TRPC7: variants seen among roughly 807,000 people sequenced by gnomAD.
The protein encoded by TRPC7 is transient receptor potential cation channel subfamily C member 7.
A neutral mutation model predicts 90.1 loss-of-function variants in TRPC7; 42 were observed. The ratio of observed to expected loss-of-function variants is 0.47; its 90% CI spans 0.36 to 0.60. The LOEUF (loss-of-function observed/expected upper bound fraction) is 0.60, where lower values mean the gene tolerates loss of function less well. TRPC7 is among the 20% of genes least tolerant of loss of function. TRPC7 has a pLI of 0.00. For synonymous variants in TRPC7, 451 were observed against 436.3 expected, an observed-to-expected ratio of 1.03 and a Z score of -0.42; for missense variants, 955 against 1,112.3, an observed-to-expected ratio of 0.86 and a Z score of 2.01.
In TRPC7 at chr5:136,359,014, A is replaced by G. The variant is rs150838720; in HGVS notation, c.3-1629T>C. Among the ~76,000 whole-genome samples, 340 of 152,316 alleles carry G rather than the reference A, an allele frequency of 2.2e-3. 6 individuals carry two copies. The highest frequency in any genetic ancestry group is 7.9e-3 in the African/African-American group (327 of 41,578). ...TAAACAATACTCAGTATTTCACTTT[A>G]GCCATTTTTAAAAATAGTCAAACAA... On this transcript the variant is annotated intron_variant, in intron 1 of 11. Coordinates refer to ENST00000513104, the MANE Select transcript of TRPC7 (RefSeq NM_020389.3).
chr5:136,245,477 C>T (rs2149803066), intron 7 of TRPC7, among the ~76,000 whole-genome samples: 1 of 152,174 alleles, frequency 6.6e-6, no homozygotes, highest in East Asian at 1.9e-4. Context: ...GTGATTTCTC[C>T]AGAAGAGTAA....
At chr5:136,269,442 A>G (rs2149813473) in intron 4 of TRPC7, among the ~76,000 whole-genome samples, 1 of 152,332 alleles carries the variant, frequency 6.6e-6, no homozygotes, top group Non-Finnish European at 1.5e-5. Context: ...CTTAGCCCCC[A>G]CAAGTGTAAG....
At chr5:136,303,738 C>T (rs960429673) in intron 3 of TRPC7, 17 of 152,002 alleles carry the variant, frequency 1.1e-4, no homozygotes, top group Non-Finnish European at 2.5e-4. Flanking sequence ...TGGCCCAAGG[C>T]TCTCTGACTC....
intron 2 of TRPC7, among the ~76,000 whole-genome samples, chr5:136,316,856 C>A (rs917253505): frequency 3.3e-5 from 5 of 152,180 alleles, no homozygotes; most frequent in African/African-American, 9.7e-5. Flanking sequence ...TCAATGTCAA[C>A]AACCCTCAGA....
chr5:136,310,439 G>T (rs1472801015), intron 3 of TRPC7, among the ~76,000 whole-genome samples: 2 of 152,192 alleles, frequency 1.3e-5, no homozygotes, highest in Non-Finnish European at 2.9e-5. Context: ...CCATGGTCCT[G>T]TCCCAGGTCT....
intron 2 of TRPC7, among the ~76,000 whole-genome samples, chr5:136,320,187 G>T (rs916791218): frequency 3.3e-5 from 5 of 151,540 alleles, no homozygotes; most frequent in African/African-American, 1.2e-4. Flanking sequence ...ATTTATCCTT[G>T]ATTGCTACCT....
At chr5:136,304,096 C>A (rs1196000386) in intron 3 of TRPC7, among the ~76,000 whole-genome samples, 3 of 152,058 alleles carry the variant, frequency 2.0e-5, no homozygotes, top group African/African-American at 7.2e-5. Context: ...ACTAAATTAT[C>A]TGCTTCCCTG....
At chr5:136,213,671 TGTGG>T in intron 11 of TRPC7, 67 bp from the exon 12 acceptor site, 8 of 1,536,366 alleles carry the variant, frequency 5.2e-6, no homozygotes, top group Non-Finnish European at 7.1e-6. Context: ...CCCATGCACA[TGTGG>T]GCATGTGCAT....
chr5:136,226,355 A>C lies in TRPC7; in HGVS notation c.2041-100T>G, dbSNP rs1306596174. 11 of 833,698 alleles carry C rather than the reference A, an allele frequency of 1.3e-5. No homozygotes were observed. The Admixed American group carries it at 2.4e-4, about 18-fold the overall frequency. 51.6% of individuals were successfully genotyped at this position (833,698 alleles called of 1,614,324 possible). On this transcript the variant is annotated intron_variant, in intron 8 of 11. Coordinates refer to ENST00000513104, the MANE Select transcript of TRPC7 (RefSeq NM_020389.3). Reference sequence around the variant, plus strand: ...GACACAGCCCCAACATTCGGAAAGCAGACTTCTAAGCAGGACTTGGTGTAG... The same window carrying C: ...GACACAGCCCCAACATTCGGAAAGCCGACTTCTAAGCAGGACTTGGTGTAG...
intron 7 of TRPC7, among the ~76,000 whole-genome samples, chr5:136,231,769 T>C (rs1175004621): frequency 6.6e-6 from 1 of 152,160 alleles, no homozygotes; most frequent in African/African-American, 2.4e-5. Context: ...CGCACCTGGC[T>C]AATTGTTTCA....
chr5:136,326,366 TAGG>T (rs1360575851), intron 2 of TRPC7, among the ~76,000 whole-genome samples: 7 of 152,198 alleles, frequency 4.6e-5, no homozygotes, highest in Non-Finnish European at 1.0e-4. Flanking sequence ...GCTACAGTAA[TAGG>T]AGGAAAGGTC....
At chr5:136,283,677 C>T (rs572279342) in intron 3 of TRPC7, among the ~76,000 whole-genome samples, 1 of 152,282 alleles carries the variant, frequency 6.6e-6, no homozygotes, top group African/African-American at 2.4e-5. Flanking sequence ...GTCTGAGGAC[C>T]ACCTCATACT....
At chr5:136,230,898 T>G (rs915131575) in intron 8 of TRPC7, among the ~76,000 whole-genome samples, 1 of 152,208 alleles carries the variant, frequency 6.6e-6, no homozygotes, top group Admixed American at 6.5e-5. Flanking sequence ...GATTGCCCTG[T>G]ATGATCTCCT....
chr5:136,330,999 C>T (rs3777148), intron 2 of TRPC7, among the ~76,000 whole-genome samples: 13,174 of 152,102 alleles, frequency 0.087, 725 homozygotes, highest in Non-Finnish European at 0.13. Flanking sequence ...GGAGTCCCCC[C>T]GCCAGCAGTG....
At chr5:136,220,466 A>C (rs1345979417) in intron 10 of TRPC7, among the ~76,000 whole-genome samples, 1 of 152,110 alleles carries the variant, frequency 6.6e-6, no homozygotes. Flanking sequence ...ATAAGAACTG[A>C]AATATGCCCT....
chr5:136,220,718 C>G (rs1189518792), intron 10 of TRPC7, among the ~76,000 whole-genome samples: 1 of 152,146 alleles, frequency 6.6e-6, no homozygotes, highest in African/African-American at 2.4e-5. Flanking sequence ...GGCATATGAT[C>G]TTTGTTCTCC....
chr5:136,293,156 A>C (rs1342388747), intron 3 of TRPC7, among the ~76,000 whole-genome samples: 1 of 152,250 alleles, frequency 6.6e-6, no homozygotes, highest in Non-Finnish European at 1.5e-5. Context: ...AAATCATAAG[A>C]GCTATGACAA....
intron 2 of TRPC7, among the ~76,000 whole-genome samples, chr5:136,346,104 C>G (rs59499550): frequency 6.6e-6 from 1 of 152,026 alleles, no homozygotes; most frequent in Non-Finnish European, 1.5e-5. Context: ...GAGGGAGGGA[C>G]AGCATTAGGA....
intron 2 of TRPC7, among the ~76,000 whole-genome samples, chr5:136,321,574 A>G (rs1481646021): frequency 6.6e-6 from 1 of 152,194 alleles, no homozygotes; most frequent in African/African-American, 2.4e-5. Context: ...AAATAACAAG[A>G]TAAAAACTTA....
Sources: gnomAD v4.1 joint callset for allele counts (sites outside exome capture counted in the v4.1 genomes callset) on GRCh38, gnomAD v4.1.1 for gene constraint, MANE v1.5 for transcripts, NCBI Gene and HGNC (gene_info 2026-07-23, HGNC 2026-07-21) for gene names.